Variants in FAM13A observed in about 807,000 individuals in gnomAD.
The protein encoded by FAM13A is protein FAM13A.
In FAM13A, 76 loss-of-function variants were observed where a neutral mutation model predicts 129.6. The ratio of observed to expected loss-of-function variants is 0.59; its 90% CI spans 0.49 to 0.71. The LOEUF (loss-of-function observed/expected upper bound fraction) is 0.71, where lower values mean the gene tolerates loss of function less well. Ranked by LOEUF, FAM13A falls within the 30% of genes least tolerant of loss-of-function variation. The pLI is 0.00. For missense variants in FAM13A, 1,108 were observed against 1,249.3 expected, an observed-to-expected ratio of 0.89 and a Z score of 1.70; for synonymous variants, 443 against 449.9, an observed-to-expected ratio of 0.98 and a Z score of 0.20.
At chr4:88,823,448 C>T (rs1471371016) in intron 7 of FAM13A, 1 of 477,470 alleles carries the variant, frequency 2.1e-6, no homozygotes, top group African/African-American at 2.1e-5. Flanking sequence ...TAACTTGAAA[C>T]TTTCCTCTGA....
At chr4:88,893,764 C>A (rs2464521) in intron 6 of FAM13A, among the ~76,000 whole-genome samples, 24,982 of 147,772 alleles carry the variant, frequency 0.17, 2,243 homozygotes, top group Non-Finnish European at 0.2. Flanking sequence ...GGAGGCGGAG[C>A]TGCAGTGAGC....
At chr4:88,826,974 G>A (rs1733108531) in intron 7 of FAM13A, among the ~76,000 whole-genome samples, 1 of 152,130 alleles carries the variant, frequency 6.6e-6, no homozygotes, top group African/African-American at 2.4e-5. Context: ...CTCTGGTGCT[G>A]CAGAGCTATT....
At chr4:88,768,204 G>A (rs56006734) in intron 11 of FAM13A, 145 bp from the exon 12 acceptor site, 6 of 534,778 alleles carry the variant, frequency 1.1e-5, no homozygotes, top group South Asian at 3.0e-5. Flanking sequence ...GTTTAAACTA[G>A]TAAAATTATG....
intron 6 of FAM13A, among the ~76,000 whole-genome samples, chr4:88,858,843 C>T (rs564773125): frequency 6.6e-6 from 1 of 152,202 alleles, no homozygotes; most frequent in African/African-American, 2.4e-5. Flanking sequence ...ACATGAAAAA[C>T]CACTGAATTG....
chr4:89,040,701 A>G (rs1450143925), intron 1 of FAM13A, among the ~76,000 whole-genome samples: 2 of 152,210 alleles, frequency 1.3e-5, no homozygotes, highest in Non-Finnish European at 2.9e-5. Flanking sequence ...CCAACAATAA[A>G]GAAGGATGAC....
At chr4:88,861,167 G>C (rs1739424622) in intron 6 of FAM13A, among the ~76,000 whole-genome samples, 1 of 151,898 alleles carries the variant, frequency 6.6e-6, no homozygotes, top group Non-Finnish European at 1.5e-5. Flanking sequence ...AATCACCTGA[G>C]GTCAGGAGTT....
At chr4:88,883,372 T>A (rs1743897758) in intron 6 of FAM13A, among the ~76,000 whole-genome samples, 1 of 151,932 alleles carries the variant, frequency 6.6e-6, no homozygotes, top group African/African-American at 2.4e-5. Context: ...TTCAAAACCA[T>A]GCAAATACAT....
At chr4:88,887,443 C>T (rs1425672156) in intron 6 of FAM13A, among the ~76,000 whole-genome samples, 2 of 151,752 alleles carry the variant, frequency 1.3e-5, no homozygotes, top group African/African-American at 2.4e-5. Flanking sequence ...GCTTTGAAGC[C>T]AAAGAGCTTT....
At chr4:88,965,261 T>G (rs1301631757) in intron 4 of FAM13A, among the ~76,000 whole-genome samples, 3 of 152,338 alleles carry the variant, frequency 2.0e-5, no homozygotes, top group East Asian at 3.9e-4. Flanking sequence ...TGATTACTCA[T>G]GAACTATATA....
intron 7 of FAM13A, chr4:88,823,063 C>T: frequency 6.2e-7 from 1 of 1,609,834 alleles, no homozygotes; most frequent in Non-Finnish European, 8.5e-7. Context: ...CAAGTTTGGT[C>T]GTCTGTACAG....
At chr4:88,815,836 G>A (rs896175390) in intron 7 of FAM13A, among the ~76,000 whole-genome samples, 4 of 151,968 alleles carry the variant, frequency 2.6e-5, no homozygotes, top group African/African-American at 9.7e-5. Context: ...AAGGCTGAAT[G>A]TAACATTGCT....
intron 4 of FAM13A, among the ~76,000 whole-genome samples, chr4:88,952,035 T>C (rs1327807520): frequency 6.6e-6 from 1 of 152,212 alleles, no homozygotes; most frequent in Admixed American, 6.5e-5. Flanking sequence ...GGCAACATGC[T>C]CCTAGGCTAC....
intron 7 of FAM13A, among the ~76,000 whole-genome samples, chr4:88,845,570 A>G (rs1736502629): frequency 6.6e-6 from 1 of 152,180 alleles, no homozygotes; most frequent in Non-Finnish European, 1.5e-5. Context: ...TCTGTGAAGC[A>G]CCACAATACA....
chr4:88,767,700 T>A, intron 12 of FAM13A, 105 bp from the exon 13 acceptor site: 2 of 906,792 alleles, frequency 2.2e-6, no homozygotes, highest in Non-Finnish European at 3.3e-6. Flanking sequence ...GTTGAGTAGC[T>A]CTAAGCCAAA....
At chr4:88,828,167 C>T (rs1175530326) in intron 7 of FAM13A, among the ~76,000 whole-genome samples, 1 of 152,188 alleles carries the variant, frequency 6.6e-6, no homozygotes, top group East Asian at 1.9e-4. Flanking sequence ...GACAGGGTCT[C>T]TCTCTGTTGT....
chr4:88,932,943 A>G (rs1454888603), intron 5 of FAM13A, among the ~76,000 whole-genome samples: 1 of 152,194 alleles, frequency 6.6e-6, no homozygotes, highest in Non-Finnish European at 1.5e-5. Context: ...TTTAAACCCA[A>G]AAGTTAACAT....
At chr4:89,020,714 G>T in intron 2 of FAM13A, 45 bp from the exon 3 acceptor site, 1 of 1,257,288 alleles carries the variant, frequency 8.0e-7, no homozygotes, top group Non-Finnish European at 1.2e-6. Flanking sequence ...GTTTCTCACA[G>T]ACATGAAACG....
chr4:88,831,166 G>A (rs1733830024), intron 7 of FAM13A, among the ~76,000 whole-genome samples: 1 of 152,174 alleles, frequency 6.6e-6, no homozygotes, highest in Non-Finnish European at 1.5e-5. Context: ...CAATAAATAA[G>A]TGCTTCAAGC....
intron 5 of FAM13A, among the ~76,000 whole-genome samples, chr4:88,926,812 T>C (rs560341115): frequency 2.0e-5 from 3 of 152,350 alleles, no homozygotes; most frequent in African/African-American, 7.2e-5. Context: ...CTAATTAGTT[T>C]CTACTACCAA....
Sources: gnomAD v4.1 joint callset for allele counts (sites outside exome capture counted in the v4.1 genomes callset) on GRCh38, gnomAD v4.1.1 for gene constraint, MANE v1.5 for transcripts, NCBI Gene and HGNC (gene_info 2026-07-23, HGNC 2026-07-21) for gene names.